MYO16: variants seen among roughly 807,000 people sequenced by gnomAD.
MYO16 encodes unconventional myosin-XVI.
In MYO16, 94 loss-of-function variants were observed where a neutral mutation model predicts 205.3. The ratio of observed to expected loss-of-function variants is 0.46; its 90% CI spans 0.39 to 0.54. MYO16 has a LOEUF of 0.54. MYO16 is among the 20% of genes least tolerant of loss of function. The pLI is 0.00. For missense variants in MYO16, 2,315 were observed against 2,387.5 expected, an observed-to-expected ratio of 0.97 and a Z score of 0.63; for synonymous variants, 988 against 954.0, an observed-to-expected ratio of 1.04 and a Z score of -0.66.
At chr13:108,898,174 C>G (rs756105456) in intron 15 of MYO16, 41 bp downstream of exon 15, 6 of 1,488,924 alleles carry the variant, frequency 4.0e-6, no homozygotes, top group Non-Finnish European at 5.6e-6. Flanking sequence ...CTGTGCCGAG[C>G]CAGCATGCGA....
At chr13:108,795,379 T>G (rs1886755762) in intron 6 of MYO16, among the ~76,000 whole-genome samples, 1 of 152,048 alleles carries the variant, frequency 6.6e-6, no homozygotes, top group South Asian at 2.1e-4. Context: ...CAGCTAATTT[T>G]TTGTATTTTT....
chr13:109,003,842 G>A (rs1885303190), intron 21 of MYO16, among the ~76,000 whole-genome samples: 1 of 152,172 alleles, frequency 6.6e-6, no homozygotes, highest in Non-Finnish European at 1.5e-5. Flanking sequence ...GATTGTGATC[G>A]AAAGCAGTTT....
intron 1 of MYO16, among the ~76,000 whole-genome samples, chr13:108,600,596 T>TA (rs1223836844): frequency 4.6e-5 from 7 of 152,118 alleles, no homozygotes; most frequent in South Asian, 2.1e-4. Flanking sequence ...GAAGCAAAAC[T>TA]AAAAAACAAA....
intron 23 of MYO16, among the ~76,000 whole-genome samples, chr13:109,038,629 C>T (rs1886788071): frequency 6.6e-6 from 1 of 152,084 alleles, no homozygotes. Context: ...TACTATACTA[C>T]TGGTTCTATT....
At chr13:108,994,770 A>G (rs560318516) in intron 21 of MYO16, among the ~76,000 whole-genome samples, 1 of 152,346 alleles carries the variant, frequency 6.6e-6, no homozygotes, top group African/African-American at 2.4e-5. Flanking sequence ...ATAAAAGTTC[A>G]ACGAACATGT....
At chr13:108,580,886 T>C in the MYO16 span, among the ~76,000 whole-genome samples, 1 of 152,192 alleles carries the variant, frequency 6.6e-6, no homozygotes, top group Non-Finnish European at 1.5e-5. Context: ...AAATAACATA[T>C]ATAAATACAT....
intron 32 of MYO16, among the ~76,000 whole-genome samples, chr13:109,156,380 T>C (rs772074634): frequency 2.6e-5 from 4 of 152,198 alleles, no homozygotes; most frequent in Admixed American, 6.5e-5. Context: ...CTTCATGCAA[T>C]AGCCTTTCTG....
At chr13:108,794,334 G>A (rs1040232938) in intron 6 of MYO16, among the ~76,000 whole-genome samples, 26 of 152,234 alleles carry the variant, frequency 1.7e-4, no homozygotes, top group African/African-American at 6.3e-4. Context: ...AATAAAATTT[G>A]GAAGGAAAAA....
At chr13:108,678,045 A>C (rs1882307561) in intron 2 of MYO16, among the ~76,000 whole-genome samples, 1 of 152,220 alleles carries the variant, frequency 6.6e-6, no homozygotes, top group African/African-American at 2.4e-5. Context: ...GTAGATGATC[A>C]CTGCCTCTGA....
chr13:108,753,348 C>T (rs1399025257), intron 4 of MYO16, among the ~76,000 whole-genome samples: 10 of 111,338 alleles, frequency 9.0e-5, no homozygotes, highest in Non-Finnish European at 5.1e-5. Flanking sequence ...CCAGCCTGGG[C>T]AATAAGAGCA....
intron 4 of MYO16, among the ~76,000 whole-genome samples, chr13:108,773,545 G>A (rs1886033749): frequency 6.6e-6 from 1 of 152,024 alleles, no homozygotes; most frequent in Non-Finnish European, 1.5e-5. Context: ...CCTTCCCTCT[G>A]CGTGTGTGTC....
At chr13:109,120,513 T>C in intron 29 of MYO16, 47 bp downstream of exon 29, 4 of 1,477,120 alleles carry the variant, frequency 2.7e-6, no homozygotes, top group Middle Eastern at 1.7e-4. Context: ...AGTTGTGAAA[T>C]GCAAAATCTT....
intron 31 of MYO16, among the ~76,000 whole-genome samples, chr13:109,129,619 A>G (rs1876434120): frequency 6.6e-6 from 1 of 152,174 alleles, no homozygotes; most frequent in African/African-American, 2.4e-5. Flanking sequence ...ATAACAAGAA[A>G]GATTTTTGGC....
intron 28 of MYO16, among the ~76,000 whole-genome samples, chr13:109,118,150 C>G (rs1263617430): frequency 5.3e-5 from 8 of 152,122 alleles, no homozygotes; most frequent in Admixed American, 5.2e-4. Flanking sequence ...CTTACTGAAC[C>G]CTGCCTGATC....
At chr13:108,872,157 T>A (rs373890846) in intron 12 of MYO16, among the ~76,000 whole-genome samples, 4 of 152,214 alleles carry the variant, frequency 2.6e-5, no homozygotes, top group East Asian at 1.9e-4. Flanking sequence ...ATTGATAATA[T>A]TATTTCTGGC....
At chr13:108,848,106 G>A (rs1877619472) in intron 10 of MYO16, among the ~76,000 whole-genome samples, 1 of 152,090 alleles carries the variant, frequency 6.6e-6, no homozygotes. Context: ...GGGTACATAG[G>A]ACTGGGCTTG....
At chr13:109,072,994 A>G (rs1358647729) in intron 27 of MYO16, among the ~76,000 whole-genome samples, 1 of 152,210 alleles carries the variant, frequency 6.6e-6, no homozygotes, top group South Asian at 2.1e-4. Context: ...TGCAGTTCTT[A>G]TAGACTACAT....
the MYO16 span, among the ~76,000 whole-genome samples, chr13:108,568,858 A>G: frequency 6.6e-6 from 1 of 151,958 alleles, no homozygotes; most frequent in Non-Finnish European, 1.5e-5. Context: ...ATCTATTTTG[A>G]CATAATTTTT....
chr13:109,076,843 A>G (rs1055377266), intron 27 of MYO16, among the ~76,000 whole-genome samples: 1 of 152,164 alleles, frequency 6.6e-6, no homozygotes, highest in Non-Finnish European at 1.5e-5. Flanking sequence ...AGGAGAATCT[A>G]AAAGTAAGAC....
Sources: gnomAD v4.1 joint callset for allele counts (sites outside exome capture counted in the v4.1 genomes callset) on GRCh38, gnomAD v4.1.1 for gene constraint, MANE v1.5 for transcripts, NCBI Gene and HGNC (gene_info 2026-07-23, HGNC 2026-07-21) for gene names.